Variants in GSK3B observed in about 807,000 individuals in gnomAD.
GSK3B encodes glycogen synthase kinase-3 beta.
GSK3B carries 15 observed loss-of-function variants against 56.4 expected under a neutral mutation model. The observed-to-expected ratio is 0.27, with a 90% CI of 0.18 to 0.41. The LOEUF (loss-of-function observed/expected upper bound fraction) is 0.41, where lower values mean the gene tolerates loss of function less well. Ranked by LOEUF, GSK3B falls within the 10% of genes least tolerant of loss-of-function variation. The pLI, the probability that GSK3B is intolerant of heterozygous loss-of-function variation, is 1.00. For synonymous variants in GSK3B, 181 were observed against 188.9 expected (o/e 0.96, Z 0.34); for missense variants, 300 against 513.4 (o/e 0.58, Z 4.02).
At chr3:119,872,592 G>C (rs1311997106) in intron 8 of GSK3B, among the ~76,000 whole-genome samples, 1 of 152,152 alleles carries the variant, frequency 6.6e-6, no homozygotes, top group Non-Finnish European at 1.5e-5. Context: ...GAAATCAGGA[G>C]GTAGGAGGTT....
At chr3:119,981,167 T>C (rs1424427767) in intron 2 of GSK3B, among the ~76,000 whole-genome samples, 2 of 152,216 alleles carry the variant, frequency 1.3e-5, no homozygotes, top group African/African-American at 4.8e-5. Context: ...TAGCACATAA[T>C]TAAAATCCCA....
At chr3:120,092,780 T>G (rs1197240043) in intron 1 of GSK3B, among the ~76,000 whole-genome samples, 1 of 152,180 alleles carries the variant, frequency 6.6e-6, no homozygotes, top group Non-Finnish European at 1.5e-5. Flanking sequence ...AGCCTCCAAA[T>G]GTGAATGGTT....
chr3:119,984,923 T>A (rs750255567), intron 2 of GSK3B, among the ~76,000 whole-genome samples: 1 of 152,156 alleles, frequency 6.6e-6, no homozygotes, highest in African/African-American at 2.4e-5. Flanking sequence ...CTGATGAACA[T>A]TGATGCAAAA....
At chr3:119,996,960 G>A (rs1377438048) in intron 2 of GSK3B, among the ~76,000 whole-genome samples, 7 of 151,912 alleles carry the variant, frequency 4.6e-5, no homozygotes, top group Non-Finnish European at 8.8e-5. Context: ...AAGCAAAACC[G>A]ACTGAATATT....
intron 2 of GSK3B, among the ~76,000 whole-genome samples, chr3:119,976,311 T>C (rs1254914126): frequency 6.6e-6 from 1 of 151,962 alleles, no homozygotes; most frequent in African/African-American, 2.4e-5. Flanking sequence ...AGCCAAAAAG[T>C]ATAAACAATC....
intron 4 of GSK3B, among the ~76,000 whole-genome samples, chr3:119,923,095 T>C (rs1486192731): frequency 6.6e-6 from 1 of 152,208 alleles, no homozygotes; most frequent in Non-Finnish European, 1.5e-5. Flanking sequence ...TAAATTAAAA[T>C]GTACTGTGGC....
intron 9 of GSK3B, among the ~76,000 whole-genome samples, chr3:119,850,712 T>C (rs969100293): frequency 2.0e-5 from 3 of 152,040 alleles, no homozygotes; most frequent in African/African-American, 4.8e-5. Context: ...TGGTGGTATT[T>C]TGGAGGATAG....
intron 2 of GSK3B, among the ~76,000 whole-genome samples, chr3:119,987,472 A>G (rs1298758568): frequency 6.6e-6 from 1 of 152,202 alleles, no homozygotes; most frequent in Admixed American, 6.5e-5. Flanking sequence ...TTAAAAAGTT[A>G]AAAAATTGTT....
intron 1 of GSK3B, among the ~76,000 whole-genome samples, chr3:120,075,699 A>G (rs1239388611): frequency 6.6e-6 from 1 of 152,212 alleles, no homozygotes; most frequent in Admixed American, 6.5e-5. Flanking sequence ...CTGTACACTG[A>G]AAACTAAAAC....
chr3:120,013,991 G>A (rs976928447), intron 1 of GSK3B, among the ~76,000 whole-genome samples: 3 of 151,516 alleles, frequency 2.0e-5, no homozygotes, highest in Non-Finnish European at 2.9e-5. Context: ...CCAACATGGC[G>A]AAACCCCGTC....
intron 1 of GSK3B, among the ~76,000 whole-genome samples, chr3:120,012,243 T>C (rs1299602716): frequency 6.6e-6 from 1 of 152,236 alleles, no homozygotes; most frequent in African/African-American, 2.4e-5. Context: ...CTACAACAAA[T>C]TGGGCTATTT....
intron 1 of GSK3B, among the ~76,000 whole-genome samples, chr3:120,088,786 G>A (rs1288493601): frequency 6.6e-6 from 1 of 152,234 alleles, no homozygotes; most frequent in African/African-American, 2.4e-5. Context: ...CCACACAAGC[G>A]TTCTGCCCCT....
intron 7 of GSK3B, among the ~76,000 whole-genome samples, chr3:119,893,414 CA>C (rs1455110875): frequency 1.3e-5 from 2 of 152,128 alleles, no homozygotes; most frequent in African/African-American, 2.4e-5. Context: ...TTGGTATAAG[CA>C]ACCATTTTCT....
chr3:119,945,007 A>C (rs1450761405), intron 3 of GSK3B, among the ~76,000 whole-genome samples: 1 of 152,184 alleles, frequency 6.6e-6, no homozygotes, highest in East Asian at 1.9e-4. Flanking sequence ...ACCCTAGAAA[A>C]GAATCCATCT....
At chr3:119,941,436 A>G (rs952842890) in intron 3 of GSK3B, among the ~76,000 whole-genome samples, 3 of 152,210 alleles carry the variant, frequency 2.0e-5, no homozygotes, top group Non-Finnish European at 2.9e-5. Context: ...TAAACACTAT[A>G]GCATACTATA....
At chr3:120,026,911 A>G (rs2057932528) in intron 1 of GSK3B, among the ~76,000 whole-genome samples, 1 of 151,946 alleles carries the variant, frequency 6.6e-6, no homozygotes, top group Admixed American at 6.6e-5. Context: ...TAAAAGCAGC[A>G]GGACAAAAAA....
At chr3:119,948,842 G>C (rs567524318) in intron 2 of GSK3B, among the ~76,000 whole-genome samples, 1 of 152,264 alleles carries the variant, frequency 6.6e-6, no homozygotes, top group Non-Finnish European at 1.5e-5. Context: ...GGGATTACAG[G>C]CGCCTGCCAC....
chr3:119,827,585 TAAAAA>T (rs1156408098), intron 10 of GSK3B, among the ~76,000 whole-genome samples: 1 of 42,110 alleles, frequency 2.4e-5, no homozygotes, highest in Non-Finnish European at 4.5e-5. Context: ...ATACCGTCTT[TAAAAA>T]AAAAAAAAAA....
chr3:119,900,984 T>TA (rs1270672439), intron 7 of GSK3B, among the ~76,000 whole-genome samples: 3 of 152,084 alleles, frequency 2.0e-5, no homozygotes, highest in Non-Finnish European at 2.9e-5. Flanking sequence ...TATGTAGTTA[T>TA]AAAAAAAGTA....
Sources: gnomAD v4.1 joint callset for allele counts (sites outside exome capture counted in the v4.1 genomes callset) on GRCh38, gnomAD v4.1.1 for gene constraint, MANE v1.5 for transcripts, NCBI Gene and HGNC (gene_info 2026-07-23, HGNC 2026-07-21) for gene names.